HEPH: variants seen among roughly 807,000 people sequenced by gnomAD.
HEPH encodes the protein hephaestin.
Under a neutral mutation model 80.8 loss-of-function variants are expected in HEPH, and 69 were observed. The ratio of observed to expected loss-of-function variants is 0.85; its 90% CI spans 0.70 to 1.04. The LOEUF (loss-of-function observed/expected upper bound fraction) is 1.04. Ranked by LOEUF, HEPH falls within the 50% of genes least tolerant of loss-of-function variation. The pLI, the probability that HEPH is intolerant of heterozygous loss-of-function variation, is 0.00. For synonymous variants in HEPH, 431 were observed against 322.8 expected (o/e 1.34, Z -3.60); for missense variants, 1,115 against 891.3 (o/e 1.25, Z -3.20).
At chrX:66,237,039 A>C (rs907163908) in intron 15 of HEPH, among the ~76,000 whole-genome samples, 3 of 110,223 alleles carry the variant, frequency 2.7e-5, no homozygotes, top group African/African-American at 9.9e-5. Flanking sequence ...CTAGAAGTCT[A>C]TTTTATTAGT....
chrX:66,264,392 T>A (rs779818064), intron 20 of HEPH, among the ~76,000 whole-genome samples: 1 of 109,270 alleles, frequency 9.2e-6, no homozygotes, highest in Non-Finnish European at 1.9e-5. Context: ...CAACACCATA[T>A]GTTCTTCAAC....
intron 15 of HEPH, among the ~76,000 whole-genome samples, chrX:66,241,145 C>T (rs536840135): frequency 7.1e-5 from 8 of 112,285 alleles, no homozygotes; most frequent in African/African-American, 1.6e-4. Context: ...CTACCATCCA[C>T]GACAAACACC....
chrX:66,238,081 T>G (rs2090431608), intron 15 of HEPH, among the ~76,000 whole-genome samples: 1 of 111,837 alleles, frequency 8.9e-6, no homozygotes, highest in Non-Finnish European at 1.9e-5. Context: ...GCTTGCCACT[T>G]TGTGTCTTTT....
chrX:66,246,032 G>A (rs2090791462), intron 15 of HEPH, among the ~76,000 whole-genome samples: 1 of 112,085 alleles, frequency 8.9e-6, no homozygotes, highest in East Asian at 2.8e-4. Flanking sequence ...ATCTGCTGTC[G>A]GAGTATTTCC....
At position 66,239,595 on chromosome X, in the gene HEPH, A is replaced by G. The variant is rs778952638; in HGVS notation, c.2564-15440A>G. On this transcript the variant is annotated intron_variant, in intron 15 of 20. Coordinates refer to ENST00000343002, the MANE Select transcript of HEPH (RefSeq NM_001367233.3). The stretch of plus-strand genomic sequence containing the variant: ...ATTTTAATTGTTGTTCTACTTCATC[A>G]TGTGAAGATATGCATGATTCTCAGC... 4.5e-5 allele frequency among the ~76,000 whole-genome samples: 5 copies of G among 111,737 alleles called. No individual in the cohort carries two copies. The East Asian group carries it at 1.1e-3, about 25-fold the overall frequency.
intron 12 of HEPH, among the ~76,000 whole-genome samples, chrX:66,202,609 A>T (rs780623444): frequency 9.0e-6 from 1 of 110,837 alleles, no homozygotes; most frequent in African/African-American, 3.3e-5. Context: ...TTAGGTAAGC[A>T]TCCCTCTGCA....
intron 15 of HEPH, among the ~76,000 whole-genome samples, chrX:66,228,581 G>T (rs889365315): frequency 8.9e-6 from 1 of 112,250 alleles, no homozygotes; most frequent in Non-Finnish European, 1.9e-5. Context: ...ATAATCAGTA[G>T]AATAAACAGA....
chrX:66,233,187 A>T (rs758741484), intron 15 of HEPH, among the ~76,000 whole-genome samples: 1 of 111,401 alleles, frequency 9.0e-6, no homozygotes, highest in Admixed American at 9.5e-5. Context: ...TATATAACCA[A>T]TTGGCCAACT....
In HEPH at chrX:66,266,924, A is replaced by G. The variant is rs780276891; in HGVS notation, c.*252A>G. Reference sequence around the variant, plus strand: ...AGTACCTTATTATCCTACATCGCAAATTTCAACAGCTACATTATATTTCCT... The same window carrying G: ...AGTACCTTATTATCCTACATCGCAAGTTTCAACAGCTACATTATATTTCCT... On this transcript the variant is annotated 3_prime_UTR_variant, in exon 21 of 21. Transcript: ENST00000343002. The G allele has an allele frequency of 2.8e-5, 9 of 323,520 alleles. No homozygotes were observed. The South Asian group carries it at 6.9e-4, about 25-fold the overall frequency. The allele number at this position is 323,520 out of a possible 1,213,427, so 26.7% of individuals were successfully genotyped here.
chrX:66,197,054 TA>T (rs1220650097), intron 9 of HEPH, among the ~76,000 whole-genome samples: 1 of 110,876 alleles, frequency 9.0e-6, no homozygotes, highest in Non-Finnish European at 1.9e-5. Context: ...AATTAATTTG[TA>T]AAAAAGTTAT....
chrX:66,208,382 G>A (rs1454730721), intron 15 of HEPH, 136 bp downstream of exon 15: 18 of 593,682 alleles, frequency 3.0e-5, no homozygotes, highest in South Asian at 1.9e-4. Context: ...AGTTTGAGAG[G>A]CTGAGGCGGG....
chrX:66,197,251 A>G (rs1026067361), intron 9 of HEPH, among the ~76,000 whole-genome samples: 3 of 110,495 alleles, frequency 2.7e-5, no homozygotes, highest in Non-Finnish European at 5.7e-5. Context: ...TACATATTAA[A>G]AGAAAAAAAT....
intron 15 of HEPH, among the ~76,000 whole-genome samples, chrX:66,217,431 C>G (rs2089444838): frequency 1.8e-5 from 2 of 111,501 alleles, no homozygotes; most frequent in Non-Finnish European, 3.8e-5. Flanking sequence ...ACCAGCAAAA[C>G]TAAGCTTCGT....
chrX:66,257,351 C>T (rs765553688), intron 17 of HEPH, among the ~76,000 whole-genome samples: 3 of 111,732 alleles, frequency 2.7e-5, no homozygotes, highest in South Asian at 3.8e-4. Flanking sequence ...ACCTATCGAT[C>T]GAGCAGGTAT....
At chrX:66,196,557 G>A (rs2088114197) in intron 9 of HEPH, among the ~76,000 whole-genome samples, 1 of 111,408 alleles carries the variant, frequency 9.0e-6, no homozygotes, top group Non-Finnish European at 1.9e-5. Context: ...TTTTTAAGTT[G>A]GGGAATTGCT....
chrX:66,207,112 C>T, intron 13 of HEPH, 83 bp from the exon 14 acceptor site: 1 of 800,328 alleles, frequency 1.2e-6, no homozygotes, highest in Non-Finnish European at 1.7e-6. Context: ...GAAGCTGGTT[C>T]TGACTTAGCT....
chrX:66,236,364 G>T, intron 15 of HEPH, among the ~76,000 whole-genome samples: 1 of 111,779 alleles, frequency 8.9e-6, no homozygotes, highest in Admixed American at 9.5e-5. Flanking sequence ...TGCATCTATT[G>T]TGATAATCAT....
chrX:66,255,964 G>A, intron 16 of HEPH, 141 bp from the exon 17 acceptor site: 2 of 447,393 alleles, frequency 4.5e-6, no homozygotes, highest in South Asian at 3.5e-5. Flanking sequence ...TAACATAGTG[G>A]GGTACTTATA....
chrX:66,243,602 A>G (rs1363013163), intron 15 of HEPH, among the ~76,000 whole-genome samples: 1 of 113,040 alleles, frequency 8.8e-6, no homozygotes, highest in African/African-American at 3.2e-5. Flanking sequence ...ATGCAGTTGA[A>G]TCTTGCTTGT....
Sources: gnomAD v4.1 joint callset for allele counts (sites outside exome capture counted in the v4.1 genomes callset) on GRCh38, gnomAD v4.1.1 for gene constraint, MANE v1.5 for transcripts, NCBI Gene and HGNC (gene_info 2026-07-23, HGNC 2026-07-21) for gene names.